Variants in TNFAIP6 observed in about 807,000 individuals in gnomAD.
The protein encoded by TNFAIP6 is TNF alpha induced protein 6.
TNFAIP6 carries 36 observed loss-of-function variants against 33.7 expected under a neutral mutation model. The ratio of observed to expected loss-of-function variants is 1.07; its 90% confidence interval spans 0.82 to 1.41. The LOEUF is 1.41. Ranked by LOEUF, TNFAIP6 falls within the 40% of genes most tolerant of loss-of-function variation. The pLI, the probability that TNFAIP6 is intolerant of heterozygous loss-of-function variation, is 0.00. For synonymous variants in TNFAIP6, 113 were observed against 112.8 expected (o/e 1.00, Z -0.01); for missense variants, 273 against 331.9 (o/e 0.82, Z 1.38).
intron 5 of TNFAIP6, among the ~76,000 whole-genome samples, chr2:151,378,701 C>A (rs1684961897): frequency 6.6e-6 from 1 of 151,742 alleles, no homozygotes; most frequent in South Asian, 2.1e-4. Flanking sequence ...GTTGGTCAGG[C>A]TGGTATGGAA....
At chr2:151,366,709 CAAAT>C (rs1265819847) in intron 3 of TNFAIP6, among the ~76,000 whole-genome samples, 1 of 152,108 alleles carries the variant, frequency 6.6e-6, no homozygotes, top group African/African-American at 2.4e-5. Context: ...ACAAAGTAAA[CAAAT>C]AAATTCTTTC....
At chr2:151,373,032 C>G (rs182111558) in intron 4 of TNFAIP6, among the ~76,000 whole-genome samples, 1 of 152,188 alleles carries the variant, frequency 6.6e-6, no homozygotes, top group Admixed American at 6.5e-5. Context: ...TTTAAAATCT[C>G]ATTGGCTGGG....
intron 5 of TNFAIP6, among the ~76,000 whole-genome samples, chr2:151,374,695 C>T (rs1157111427): frequency 6.6e-6 from 1 of 152,196 alleles, no homozygotes; most frequent in African/African-American, 2.4e-5. Context: ...GAAAGATAAC[C>T]TATTAAATTA....
chr2:151,364,042 TC>T lies in TNFAIP6; in HGVS notation c.195del (p.Ala66GlnfsTer6), dbSNP rs755232588. On this transcript the variant is annotated frameshift_variant, in exon 2 of 6. Transcript: ENST00000243347. LOFTEE classifies it high-confidence loss of function. ...GTGTGTGAATTTGAAGGCGGCCATC[TC>T]GCAACTTACAAGCAGCTAGAGGCAG... ...KAVCEFEGGH[L>X]ATYKQLEAAR... The T allele has an allele frequency of 1.5e-4, 246 of 1,614,130 alleles. No homozygotes were observed. The highest frequency in any genetic ancestry group is 1.2e-4 in the Non-Finnish European group (144 of 1,180,016).
chr2:151,380,288 A>G (rs566439957), downstream of TNFAIP6, among the ~76,000 whole-genome samples: 52 of 151,396 alleles, frequency 3.4e-4, no homozygotes, highest in African/African-American at 1.0e-3. Flanking sequence ...AATCTTCTCT[A>G]TTGATTTGTT....
chr2:151,362,002 A>C (rs986806024), intron 1 of TNFAIP6, among the ~76,000 whole-genome samples: 2 of 152,194 alleles, frequency 1.3e-5, no homozygotes, highest in Non-Finnish European at 2.9e-5. Flanking sequence ...TGGAAAACAA[A>C]GAACTATATT....
intron 5 of TNFAIP6, 21 bp downstream of exon 5, chr2:151,373,610 C>T (rs933542335): frequency 6.9e-7 from 1 of 1,451,900 alleles, no homozygotes; most frequent in Non-Finnish European, 9.3e-7. Context: ...AAATTGAGGA[C>T]CAAAACTATG....
At chr2:151,377,039 A>G (rs1033943129) in intron 5 of TNFAIP6, among the ~76,000 whole-genome samples, 4 of 151,790 alleles carry the variant, frequency 2.6e-5, no homozygotes, top group Non-Finnish European at 5.9e-5. Context: ...GGGTTTTGCT[A>G]TGTTGCCTAG....
intron 3 of TNFAIP6, among the ~76,000 whole-genome samples, chr2:151,366,661 A>G (rs1256835072): frequency 6.6e-6 from 1 of 152,238 alleles, no homozygotes; most frequent in Non-Finnish European, 1.5e-5. Flanking sequence ...AATGGTAACT[A>G]TTCAAAATTG....
At chr2:151,369,619 A>G (rs116437252) in intron 3 of TNFAIP6, among the ~76,000 whole-genome samples, 3,251 of 152,216 alleles carry the variant, frequency 0.021, 128 homozygotes, top group African/African-American at 0.075. Flanking sequence ...CACAAAAAAA[A>G]TAAAAATTAC....
At chr2:151,367,866 A>T (rs7560143) in intron 3 of TNFAIP6, among the ~76,000 whole-genome samples, 21,527 of 152,040 alleles carry the variant, frequency 0.14, 1,643 homozygotes, top group Middle Eastern at 0.17. Flanking sequence ...TAAAAAAAAA[A>T]AATAATGGCT....
chr2:151,363,082 G>A (rs1278477799), intron 1 of TNFAIP6, among the ~76,000 whole-genome samples: 3 of 152,124 alleles, frequency 2.0e-5, no homozygotes, highest in Non-Finnish European at 4.4e-5. Context: ...TTGGGAGGCC[G>A]AGGCAGGTGG....
intron 5 of TNFAIP6, among the ~76,000 whole-genome samples, chr2:151,374,943 T>G (rs1684876803): frequency 6.6e-6 from 1 of 151,912 alleles, no homozygotes; most frequent in African/African-American, 2.4e-5. Flanking sequence ...CTGACCAACA[T>G]GGAGAAACAC....
chr2:151,367,978 T>C (rs934811723), intron 3 of TNFAIP6, among the ~76,000 whole-genome samples: 68 of 152,220 alleles, frequency 4.5e-4, no homozygotes, highest in African/African-American at 1.5e-3. Flanking sequence ...ACATAAAATA[T>C]AGATCTAAAT....
intron 1 of TNFAIP6, among the ~76,000 whole-genome samples, chr2:151,358,147 C>A (rs1329142173): frequency 6.6e-6 from 1 of 152,116 alleles, no homozygotes; most frequent in East Asian, 1.9e-4. Context: ...AGAATCCTAA[C>A]AGGTAAATTG....
In TNFAIP6 at chr2:151,360,710, T is replaced by A. The variant is rs113356855; in HGVS notation, c.94+2950T>A. Among the ~76,000 whole-genome samples the A allele has an allele frequency of 9.2e-3, 1,400 of 152,304 alleles. 22 individuals are homozygous for A. The highest frequency in any genetic ancestry group is 0.031 in the African/African-American group (1,295 of 41,558). ...TTCATATGGCAACATACTGGGAAGT[T>A]TGGCGCTATTAGAGGAACAATGTGG... On this transcript the variant is annotated intron_variant, in intron 1 of 5. Coordinates refer to ENST00000243347, the MANE Select transcript of TNFAIP6 (RefSeq NM_007115.4).
In TNFAIP6 at chr2:151,373,548, G is replaced by A; in HGVS notation, c.624-1G>A. 1.3e-6 allele frequency: 2 copies of A among 1,538,320 alleles called. No homozygotes were observed. The highest frequency in any genetic ancestry group is 1.8e-6 in the Non-Finnish European group (2 of 1,136,542). The stretch of plus-strand genomic sequence containing the variant: ...TCTCTTTTCTAAAAATTCCTTTTCA[G>A]ATACTGTGGAGATGAGCTTCCAGAT... On this transcript the variant is annotated splice_acceptor_variant, in intron 4 of 5. Transcript: ENST00000243347. LOFTEE classifies it high-confidence loss of function.
intron 5 of TNFAIP6, among the ~76,000 whole-genome samples, chr2:151,374,137 T>C (rs184692635): frequency 1.3e-5 from 2 of 152,334 alleles, no homozygotes; most frequent in Admixed American, 6.5e-5. Flanking sequence ...AACAGGTTTC[T>C]TCACTGGAAG....
rs369685184 is a variant in TNFAIP6 at position 151,373,606 on chromosome 2, A to T, written c.664+17A>T. On this transcript the variant is annotated intron_variant, in intron 5 of 5. Transcript: ENST00000243347. The stretch of plus-strand genomic sequence containing the variant: ...TCAGTACAGGTAAGGTTTTAAATTG[A>T]GGACCAAAACTATGATTTGTTTCTT... 2.4e-5 allele frequency: 35 copies of T among 1,483,568 alleles called. 1 individual carries two copies. The highest frequency in any genetic ancestry group is 3.2e-5 in the Non-Finnish European group (35 of 1,096,264). 91.9% of individuals were successfully genotyped at this position (1,483,568 alleles called of 1,614,324 possible).
Sources: gnomAD v4.1 joint callset for allele counts (sites outside exome capture counted in the v4.1 genomes callset) on GRCh38, gnomAD v4.1.1 for gene constraint, MANE v1.5 for transcripts, NCBI Gene and HGNC (gene_info 2026-07-23, HGNC 2026-07-21) for gene names.